NRXN3: variants seen among roughly 807,000 people sequenced by gnomAD.
NRXN3 encodes neurexin 3, also known as neurexin III.
Under a neutral mutation model 137.6 loss-of-function variants are expected in NRXN3, and 32 were observed. The observed-to-expected ratio is 0.23, with a 90% CI of 0.18 to 0.31. The LOEUF (loss-of-function observed/expected upper bound fraction) is 0.31. Among genes scored for constraint, NRXN3 ranks in the 10% least tolerant of loss-of-function variants. The pLI is 1.00. For synonymous variants in NRXN3, 798 were observed against 784.5 expected (o/e 1.02, Z -0.29); for missense variants, 1,574 against 2,062.5 (o/e 0.76, Z 4.59).
chr14:79,507,194 G>T (rs931778153), intron 16 of NRXN3, among the ~76,000 whole-genome samples: 1 of 152,200 alleles, frequency 6.6e-6, no homozygotes, highest in African/African-American at 2.4e-5. Context: ...AAGGAAAAAT[G>T]ACACTGAGCT....
chr14:79,074,549 A>C (rs1270871336), intron 15 of NRXN3: 2 of 152,190 alleles, frequency 1.3e-5, no homozygotes, highest in East Asian at 3.9e-4. Context: ...TTTACTTACC[A>C]GGCCTGTTCA....
chr14:79,103,264 TA>T (rs990016269), intron 15 of NRXN3, among the ~76,000 whole-genome samples: 3 of 152,144 alleles, frequency 2.0e-5, no homozygotes, highest in Admixed American at 6.6e-5. Flanking sequence ...ATTTGGGATT[TA>T]AAAAGAGGAA....
At chr14:79,420,213 T>C (rs2095555983) in intron 15 of NRXN3, among the ~76,000 whole-genome samples, 1 of 152,136 alleles carries the variant, frequency 6.6e-6, no homozygotes, top group African/African-American at 2.4e-5. Context: ...GAGGTAGGTA[T>C]AATTATTATT....
At chr14:78,956,856 T>C (rs1044837856) in intron 10 of NRXN3, among the ~76,000 whole-genome samples, 3 of 152,218 alleles carry the variant, frequency 2.0e-5, no homozygotes, top group Admixed American at 6.5e-5. Context: ...AATTATTCTA[T>C]AGAAAAAATA....
intron 15 of NRXN3, among the ~76,000 whole-genome samples, chr14:79,072,794 T>C (rs1045305566): frequency 1.3e-5 from 2 of 152,138 alleles, no homozygotes; most frequent in African/African-American, 4.8e-5. Context: ...AATGACTATA[T>C]GACTAAGATG....
At chr14:78,227,237 T>C (rs1388546313) in intron 1 of NRXN3, among the ~76,000 whole-genome samples, 1 of 152,230 alleles carries the variant, frequency 6.6e-6, no homozygotes, top group Non-Finnish European at 1.5e-5. Flanking sequence ...AATATGGGAC[T>C]TATTCAGAAG....
Position 78,473,177 on chromosome 14 carries a change from TG to T in NRXN3, c.758-171941del, listed in dbSNP as rs2095312424. 3.3e-5 allele frequency among the ~76,000 whole-genome samples: 5 copies of T among 151,712 alleles called. No individual in the cohort carries two copies. In the East Asian group the frequency reaches 7.8e-4, roughly 24 times the overall value. On this transcript the variant is annotated intron_variant, in intron 4 of 20. Transcript: ENST00000335750. Reference sequence around the variant, plus strand: ...CAGCACTTTGGGAGGCCGAGGTGGGTGGATCATGAGGTCAGGAGATCAAGAC... The same window carrying T: ...CAGCACTTTGGGAGGCCGAGGTGGGTGATCATGAGGTCAGGAGATCAAGAC...
intron 15 of NRXN3, among the ~76,000 whole-genome samples, chr14:79,424,110 C>A (rs1413813266): frequency 6.6e-6 from 1 of 152,248 alleles, no homozygotes; most frequent in East Asian, 1.9e-4. Flanking sequence ...TGTTGAAATG[C>A]ATGTCTACTT....
At chr14:78,745,634 A>G (rs1033602547) in intron 8 of NRXN3, among the ~76,000 whole-genome samples, 1 of 152,208 alleles carries the variant, frequency 6.6e-6, no homozygotes, top group Non-Finnish European at 1.5e-5. Context: ...TGTATAGGGC[A>G]TGGTGCCAGG....
At chr14:79,105,301 A>G (rs2052195837) in intron 15 of NRXN3, among the ~76,000 whole-genome samples, 1 of 152,192 alleles carries the variant, frequency 6.6e-6, no homozygotes, top group Non-Finnish European at 1.5e-5. Flanking sequence ...TCAAGCCAAA[A>G]AAAGAACTTC....
chr14:79,016,808 C>G (rs1313802679), intron 15 of NRXN3, among the ~76,000 whole-genome samples: 1 of 152,162 alleles, frequency 6.6e-6, no homozygotes, highest in Non-Finnish European at 1.5e-5. Flanking sequence ...AGCCAAGGCT[C>G]CTGGGTCTAT....
At chr14:78,809,562 C>T (rs1165805608) in intron 9 of NRXN3, among the ~76,000 whole-genome samples, 1 of 152,206 alleles carries the variant, frequency 6.6e-6, no homozygotes, top group African/African-American at 2.4e-5. Flanking sequence ...GACCCCACCT[C>T]TCTAAAATCT....
intron 6 of NRXN3, among the ~76,000 whole-genome samples, chr14:78,658,879 AG>A (rs1209115966): frequency 1.3e-5 from 2 of 152,232 alleles, no homozygotes; most frequent in Non-Finnish European, 1.5e-5. Context: ...GAGTTGAGCA[AG>A]GTGGAAAGAA....
chr14:79,540,205 C>G (rs990009623), intron 16 of NRXN3, among the ~76,000 whole-genome samples: 1 of 97,970 alleles, frequency 1.0e-5, no homozygotes, highest in Admixed American at 9.1e-5. Context: ...ACTCTCTGAA[C>G]AAAAGAACTT....
At chr14:79,397,202 A>G (rs974026232) in intron 15 of NRXN3, among the ~76,000 whole-genome samples, 6 of 152,218 alleles carry the variant, frequency 3.9e-5, no homozygotes, top group African/African-American at 1.4e-4. Flanking sequence ...GAGATTAAAT[A>G]TAACATTTAT....
intron 6 of NRXN3, among the ~76,000 whole-genome samples, chr14:78,676,886 C>G (rs747367256): frequency 1.2e-4 from 19 of 152,108 alleles, no homozygotes; most frequent in Admixed American, 9.8e-4. Context: ...TGCCTGTACT[C>G]TGTAAGTTGA....
At chr14:79,246,343 C>G (rs1318554570) in intron 15 of NRXN3, among the ~76,000 whole-genome samples, 1 of 152,170 alleles carries the variant, frequency 6.6e-6, no homozygotes, top group African/African-American at 2.4e-5. Flanking sequence ...ACTTTCTTCC[C>G]TCACTCATGG....
rs535600710 is a variant in NRXN3, at chr14:79,179,727, A to G, written c.3262+191586A>G. ...TTTGGTGTCTGCAGGAGACACTTTT[A>G]TTTGTTTGCTATAAATAACTGGGAG... On this transcript the variant is annotated intron_variant, in intron 15 of 20. Transcript: ENST00000335750. 3.9e-5 allele frequency among the ~76,000 whole-genome samples: 6 copies of G among 152,284 alleles called. No individual in the cohort carries two copies. In the South Asian group the frequency reaches 1.0e-3, roughly 26 times the overall value.
At chr14:79,811,599 T>TTTTTTTG (rs2099233605) in intron 20 of NRXN3, among the ~76,000 whole-genome samples, 1 of 147,678 alleles carries the variant, frequency 6.8e-6, no homozygotes, top group Admixed American at 6.8e-5. Context: ...TTTTTTTTTT[T>TTTTTTTG]GAGATGGAGT....
Sources: gnomAD v4.1 joint callset for allele counts (sites outside exome capture counted in the v4.1 genomes callset) on GRCh38, gnomAD v4.1.1 for gene constraint, MANE v1.5 for transcripts, NCBI Gene and HGNC (gene_info 2026-07-23, HGNC 2026-07-21) for gene names.